DOCK4: variants seen among roughly 807,000 people sequenced by gnomAD.
DOCK4 encodes dedicator of cytokinesis 4, also known as dedicator of cytokinesis protein 4.
A neutral mutation model predicts 268.1 loss-of-function variants in DOCK4; 97 were observed. The ratio of observed to expected loss-of-function variants is 0.36; its 90% confidence interval spans 0.31 to 0.43. The LOEUF (loss-of-function observed/expected upper bound fraction) is 0.43, where lower values mean the gene tolerates loss of function less well. Among genes scored for constraint, DOCK4 ranks in the 20% least tolerant of loss-of-function variants. DOCK4 has a pLI of 1.00. For synonymous variants in DOCK4, 954 were observed against 887.2 expected, an observed-to-expected ratio of 1.08 and a Z score of -1.34; for missense variants, 2,145 against 2,455.7, an observed-to-expected ratio of 0.87 and a Z score of 2.67.
intron 1 of DOCK4, among the ~76,000 whole-genome samples, chr7:112,174,483 CCTT>C (rs1418740350): frequency 6.6e-6 from 1 of 151,864 alleles, no homozygotes; most frequent in Non-Finnish European, 1.5e-5. Flanking sequence ...GGACCAAAAA[CCTT>C]CTCTTTATCA....
At chr7:111,777,835 T>C (rs1028557067) in intron 36 of DOCK4, among the ~76,000 whole-genome samples, 1 of 152,178 alleles carries the variant, frequency 6.6e-6, no homozygotes, top group African/African-American at 2.4e-5. Context: ...TCTGCCGCCA[T>C]GTAAGATGTG....
intron 1 of DOCK4, among the ~76,000 whole-genome samples, chr7:112,182,986 G>A (rs1263066396): frequency 1.3e-5 from 2 of 152,140 alleles, no homozygotes; most frequent in African/African-American, 2.4e-5. Context: ...TGCTCCCTTC[G>A]TGCAGGACAC....
At chr7:112,008,262 T>C (rs1016080834) in intron 1 of DOCK4, among the ~76,000 whole-genome samples, 4 of 152,202 alleles carry the variant, frequency 2.6e-5, no homozygotes, top group Non-Finnish European at 4.4e-5. Context: ...TTTGCTACTA[T>C]GGAAAAATTT....
intron 1 of DOCK4, chr7:112,023,591 T>C (rs947002455): frequency 1.4e-5 from 6 of 443,268 alleles, no homozygotes; most frequent in Admixed American, 1.3e-4. Context: ...GCCTTTCTAC[T>C]ATTTTTTAAA....
chr7:111,949,366 A>G (rs114911350), intron 8 of DOCK4, among the ~76,000 whole-genome samples: 1 of 152,322 alleles, frequency 6.6e-6, no homozygotes, highest in South Asian at 2.1e-4. Context: ...AAATTCTGGA[A>G]AACAATGTTT....
intron 5 of DOCK4, among the ~76,000 whole-genome samples, chr7:111,992,578 G>C (rs914694041): frequency 2.6e-5 from 4 of 152,136 alleles, no homozygotes; most frequent in African/African-American, 9.7e-5. Context: ...TTTACTTATA[G>C]AGTTTACAAC....
At chr7:111,916,242 C>T (rs1242228473) in intron 12 of DOCK4, among the ~76,000 whole-genome samples, 2 of 152,030 alleles carry the variant, frequency 1.3e-5, no homozygotes, top group Admixed American at 6.6e-5. Flanking sequence ...AGATGAAGGT[C>T]ACCTTGCCCT....
At position 111,746,342 on chromosome 7, in the gene DOCK4, G is replaced by A; in HGVS notation, c.4669C>T (p.Leu1557Phe). The A allele has an allele frequency of 1.2e-6, 2 of 1,612,500 alleles. No homozygotes were observed. The highest frequency in any genetic ancestry group is 8.5e-7 in the Non-Finnish European group (1 of 1,179,292). The change falls in exon 44 of 53, where the codon CTT becomes TTT. Residue 1557 changes from leucine (L) to phenylalanine (F), a missense_variant. Around this residue, in one of 2 missense-constraint regions of DOCK4, gnomAD observed 1,598 missense variants for 1,986.7 expected, o/e 0.80. Coordinates refer to ENST00000428084, the MANE Select transcript of DOCK4 (RefSeq NM_001363540.2). ...EKIARLRELM[L>F]EQAQILEFGL... ...GCTTCTGCTTCCCTTACCTGCTCAA[G>A]CATCAGCTCTCTTAATCGTGCAATT...
intron 30 of DOCK4, among the ~76,000 whole-genome samples, chr7:111,799,009 G>A (rs1800088511): frequency 6.6e-6 from 1 of 152,176 alleles, no homozygotes; most frequent in African/African-American, 2.4e-5. Context: ...GGTAGCCAAA[G>A]GAAATAAATT....
chr7:111,818,092 C>T (rs1357124638), intron 27 of DOCK4, among the ~76,000 whole-genome samples: 1 of 152,226 alleles, frequency 6.6e-6, no homozygotes, highest in Non-Finnish European at 1.5e-5. Context: ...TCATAGGCTG[C>T]TCTTTTTCAG....
intron 1 of DOCK4, among the ~76,000 whole-genome samples, chr7:112,139,762 A>G (rs1303206552): frequency 6.6e-6 from 1 of 152,238 alleles, no homozygotes; most frequent in Admixed American, 6.5e-5. Context: ...AAAAATCATT[A>G]TCTTTTTTGT....
intron 1 of DOCK4, among the ~76,000 whole-genome samples, chr7:112,131,238 C>T (rs1400956488): frequency 6.6e-6 from 1 of 152,074 alleles, no homozygotes; most frequent in Non-Finnish European, 1.5e-5. Flanking sequence ...GTTTTAAAAG[C>T]GCTGTGGCCC....
At chr7:112,138,557 A>C (rs1349792710) in intron 1 of DOCK4, among the ~76,000 whole-genome samples, 1 of 152,216 alleles carries the variant, frequency 6.6e-6, no homozygotes, top group East Asian at 1.9e-4. Flanking sequence ...AAATGACAGA[A>C]TAGCATACAG....
chr7:111,991,607 T>C (rs1562968089), intron 5 of DOCK4, among the ~76,000 whole-genome samples: 1 of 152,078 alleles, frequency 6.6e-6, no homozygotes, highest in Non-Finnish European at 1.5e-5. Context: ...CAGACTTAGA[T>C]TTAGATTCAG....
intron 8 of DOCK4, 70 bp downstream of exon 8, chr7:111,977,062 A>C: frequency 6.4e-7 from 1 of 1,550,988 alleles, no homozygotes; most frequent in Non-Finnish European, 8.8e-7. Flanking sequence ...TATATCTTAC[A>C]GCTTGCCAAT....
At chr7:112,086,243 G>A (rs1402118414) in intron 1 of DOCK4, among the ~76,000 whole-genome samples, 1 of 151,920 alleles carries the variant, frequency 6.6e-6, no homozygotes, top group African/African-American at 2.4e-5. Flanking sequence ...AATAAATAAG[G>A]CAGAAAGGGA....
chr7:111,819,901 G>A (rs887482563), intron 27 of DOCK4: 1 of 152,116 alleles, frequency 6.6e-6, no homozygotes, highest in Non-Finnish European at 1.5e-5. Flanking sequence ...AAGAAAAGGT[G>A]GTCAACTTCA....
intron 51 of DOCK4, 126 bp downstream of exon 51, chr7:111,734,928 G>A: frequency 1.4e-6 from 1 of 714,366 alleles, no homozygotes; most frequent in Non-Finnish European, 2.4e-6. Flanking sequence ...AAGGAATTAT[G>A]CAGCTACTAA....
chr7:111,961,554 G>T (rs1279711408), intron 8 of DOCK4, among the ~76,000 whole-genome samples: 1 of 152,176 alleles, frequency 6.6e-6, no homozygotes, highest in Admixed American at 6.5e-5. Context: ...CACTGATTTT[G>T]CCTGTAAGGC....
Sources: allele counts gnomAD v4.1 joint callset (sites outside exome capture counted in the v4.1 genomes callset), GRCh38; gene constraint gnomAD v4.1.1; regional missense constraint gnomAD v4.1.1; transcripts MANE v1.5; gene names NCBI Gene and HGNC (gene_info 2026-07-23, HGNC 2026-07-21).